The following OSBPL10 variants were observed in gnomAD, a reference collection of about 807,000 sequenced individuals.
The protein encoded by OSBPL10 is oxysterol-binding protein-related protein 10.
A neutral mutation model predicts 81.7 loss-of-function variants in OSBPL10; 49 were observed. The ratio of observed to expected loss-of-function variants is 0.60; its 90% confidence interval spans 0.48 to 0.76. OSBPL10 has a LOEUF of 0.76. OSBPL10 is among the 30% of genes least tolerant of loss of function. The probability of loss-of-function intolerance (pLI) is 0.00; values close to 1 mark genes in which losing one functional copy is unlikely to be tolerated. For missense variants in OSBPL10, 923 were observed against 987.8 expected, an observed-to-expected ratio of 0.93 and a Z score of 0.88; for synonymous variants, 419 against 383.6, an observed-to-expected ratio of 1.09 and a Z score of -1.08.
At chr3:32,004,774 T>C (rs1699187347) in intron 2 of OSBPL10, among the ~76,000 whole-genome samples, 2 of 152,218 alleles carry the variant, frequency 1.3e-5, no homozygotes, top group South Asian at 2.1e-4. Context: ...TGCAGGTGTA[T>C]GGCTTAGCCT....
intron 1 of OSBPL10, among the ~76,000 whole-genome samples, chr3:31,913,225 TAG>T (rs1396830625): frequency 6.8e-6 from 1 of 146,038 alleles, no homozygotes. Context: ...ACAGAAGTAC[TAG>T]GTTTTTTTTT....
intron 1 of OSBPL10, among the ~76,000 whole-genome samples, chr3:31,934,848 C>T (rs747250455): frequency 6.6e-6 from 1 of 152,118 alleles, no homozygotes; most frequent in Non-Finnish European, 1.5e-5. Context: ...GTTACAATTG[C>T]ATTCAGCTGC....
chr3:31,682,939 C>T (rs1242293065), intron 8 of OSBPL10, among the ~76,000 whole-genome samples: 1 of 152,076 alleles, frequency 6.6e-6, no homozygotes, highest in Non-Finnish European at 1.5e-5. Context: ...AACTCAAAGA[C>T]AAATTTGGAG....
intron 1 of OSBPL10, among the ~76,000 whole-genome samples, chr3:31,965,850 A>AT (rs1698374477): frequency 1.1e-4 from 7 of 65,670 alleles, no homozygotes; most frequent in Admixed American, 5.5e-4. Context: ...TATTATATAA[A>AT]AAGATAATAT....
intron 7 of OSBPL10, among the ~76,000 whole-genome samples, chr3:31,687,401 AAGG>A (rs1484935076): frequency 6.6e-6 from 1 of 152,220 alleles, no homozygotes; most frequent in African/African-American, 2.4e-5. Flanking sequence ...TACTTTTGAA[AAGG>A]AGAAGAATTT....
chr3:31,965,606 ATAT>A (rs1261264905), intron 1 of OSBPL10, among the ~76,000 whole-genome samples: 1 of 66,552 alleles, frequency 1.5e-5, no homozygotes, highest in African/African-American at 6.1e-5. Flanking sequence ...ATTATATAAT[ATAT>A]TATATAAATT....
rs528748557 is a variant in OSBPL10 at position 31,703,014 on chromosome 3, T to C, written c.1096-506A>G. 4.7e-4 allele frequency among the ~76,000 whole-genome samples: 71 copies of C among 152,308 alleles called. 1 individual carries two copies. The highest frequency in any genetic ancestry group is 6.6e-4 in the Non-Finnish European group (45 of 68,042). On this transcript the variant is annotated intron_variant, in intron 6 of 11. Coordinates refer to ENST00000396556, the MANE Select transcript of OSBPL10 (RefSeq NM_017784.5). ...TCAATTAGGATCACTCTAGCAGGTATAAGAAAATGCTGAGAATTGGCATTA... is the reference window on the plus strand; with the variant it reads ...TCAATTAGGATCACTCTAGCAGGTACAAGAAAATGCTGAGAATTGGCATTA...
chr3:31,681,923 T>C (rs114519236), intron 8 of OSBPL10, among the ~76,000 whole-genome samples: 381 of 152,266 alleles, frequency 2.5e-3, no homozygotes, highest in Non-Finnish European at 4.2e-3. Context: ...TGAGCTCCCA[T>C]ACTCTTCCTT....
chr3:32,056,748 C>T (rs901752113), intron 1 of OSBPL10, among the ~76,000 whole-genome samples: 1 of 152,174 alleles, frequency 6.6e-6, no homozygotes, highest in Non-Finnish European at 1.5e-5. Flanking sequence ...ATGTCAGAGC[C>T]GTTTGAACCA....
chr3:31,883,926 T>C (rs948106904), intron 1 of OSBPL10, among the ~76,000 whole-genome samples: 5 of 152,220 alleles, frequency 3.3e-5, no homozygotes, highest in African/African-American at 1.2e-4. Context: ...CTCTATGCCA[T>C]TGACTGGAAT....
chr3:32,075,583 AC>A (rs1437792520), intron 1 of OSBPL10, among the ~76,000 whole-genome samples: 2 of 151,808 alleles, frequency 1.3e-5, no homozygotes, highest in Non-Finnish European at 2.9e-5. Context: ...CCACAATATC[AC>A]CCCTCACCCC....
At chr3:32,015,165 T>C (rs1699301508) in intron 2 of OSBPL10, among the ~76,000 whole-genome samples, 1 of 152,278 alleles carries the variant, frequency 6.6e-6, no homozygotes, top group Admixed American at 6.5e-5. Flanking sequence ...AGAACAAAGC[T>C]GGAGGCATCA....
intron 4 of OSBPL10, among the ~76,000 whole-genome samples, chr3:31,825,871 G>A (rs1700087878): frequency 6.6e-6 from 1 of 152,096 alleles, no homozygotes; most frequent in South Asian, 2.1e-4. Flanking sequence ...TTATTAAGAT[G>A]ACTATAGGGT....
chr3:31,924,442 C>T (rs974982643), intron 1 of OSBPL10, among the ~76,000 whole-genome samples: 2 of 152,026 alleles, frequency 1.3e-5, no homozygotes, highest in African/African-American at 4.8e-5. Flanking sequence ...AGATTCAAGA[C>T]TTCCTGGAAG....
At chr3:31,748,676 G>A (rs571268971) in intron 4 of OSBPL10, among the ~76,000 whole-genome samples, 8 of 146,204 alleles carry the variant, frequency 5.5e-5, no homozygotes, top group East Asian at 2.0e-4. Context: ...AACAGGACAT[G>A]ACCTTCTTAA....
At chr3:31,916,870 A>G (rs192381711) in intron 1 of OSBPL10, among the ~76,000 whole-genome samples, 95 of 152,332 alleles carry the variant, frequency 6.2e-4, no homozygotes, top group African/African-American at 1.8e-3. Context: ...ATGGTTGCTT[A>G]TCTCTGCTTT....
In OSBPL10 at chr3:31,981,022, C is replaced by T. The variant is rs1698825236; in HGVS notation, c.158G>A (p.Gly53Glu). The change falls in exon 1 of 12, where the codon GGA becomes GAA. Residue 53 changes from glycine (G) to glutamate (E), a missense_variant. Around this residue, in one of 3 missense-constraint regions of OSBPL10, gnomAD observed 514 missense variants for 508.0 expected, o/e 1.01. Coordinates refer to ENST00000396556, the MANE Select transcript of OSBPL10 (RefSeq NM_017784.5). The surrounding 1 kb of genome is among the most constrained non-coding windows in gnomAD (Gnocchi z 4.5). The stretch of plus-strand genomic sequence containing the variant: ...CACAGAGCCCGGGCTGCTGCGGCTT[C>T]CCCCGCCGCCGAGCCCGGCCGCCGC... ...RSAAAGLGGG[G>E]SRSSPGSVAA... 4.8e-6 allele frequency: 7 copies of T among 1,472,128 alleles called. No homozygotes were observed. Among genetic ancestry groups the T allele is most frequent in the Non-Finnish European group, 6.3e-6 (7 of 1,116,090 alleles). The allele number at this position is 1,472,128 out of a possible 1,614,324, so 91.2% of individuals were successfully genotyped here. A position where few individuals can be genotyped will look rare whatever the true frequency, so the allele number is the denominator to read the frequency against.
intron 1 of OSBPL10, among the ~76,000 whole-genome samples, chr3:31,912,933 T>C (rs1324583209): frequency 2.0e-5 from 3 of 152,196 alleles, no homozygotes; most frequent in Non-Finnish European, 4.4e-5. Context: ...ATGAATAACC[T>C]TGAGTCCAGC....
chr3:31,662,258 T>TC, intron 11 of OSBPL10, 142 bp from the exon 12 acceptor site: 10 of 1,450,884 alleles, frequency 6.9e-6, no homozygotes, highest in Non-Finnish European at 9.1e-6. Flanking sequence ...TCAGTACCCC[T>TC]CCTCAGCCCA....
Sources: gnomAD v4.1 joint callset for allele counts (sites outside exome capture counted in the v4.1 genomes callset) on GRCh38, gnomAD v4.1.1 for gene constraint, gnomAD v4.1.1 regional missense constraint, Gnocchi (gnomAD v3.1) non-coding constraint, MANE v1.5 for transcripts, NCBI Gene and HGNC (gene_info 2026-07-23, HGNC 2026-07-21) for gene names.